CFDP1: variants seen among roughly 807,000 people sequenced by gnomAD.
The protein encoded by CFDP1 is chromatin remodeling protein CFDP1, also known as heterochromatin-stabilizing protein CFDP1.
Under a neutral mutation model 40.1 loss-of-function variants are expected in CFDP1, and 31 were observed. The ratio of observed to expected loss-of-function variants is 0.77; its 90% CI spans 0.58 to 1.04. CFDP1 has a LOEUF of 1.04. Ranked by LOEUF, CFDP1 falls within the 50% of genes least tolerant of loss-of-function variation. The pLI, the probability that CFDP1 is intolerant of heterozygous loss-of-function variation, is 0.00. For missense variants in CFDP1, 423 were observed against 343.4 expected (o/e 1.23, Z -1.83); for synonymous variants, 167 against 120.0 (o/e 1.39, Z -2.56).
At chr16:75,412,513 C>A in intron 3 of CFDP1, 22 bp downstream of exon 3, 1 of 1,577,196 alleles carries the variant, frequency 6.3e-7, no homozygotes, top group Non-Finnish European at 8.7e-7. Context: ...GAGGCATTCA[C>A]CTCACTAATG....
At chr16:75,365,883 C>T (rs1816034748) in intron 5 of CFDP1, among the ~76,000 whole-genome samples, 1 of 152,208 alleles carries the variant, frequency 6.6e-6, no homozygotes, top group Non-Finnish European at 1.5e-5. Flanking sequence ...AAGGCCAACA[C>T]TACCAGCTGT....
intron 5 of CFDP1, among the ~76,000 whole-genome samples, chr16:75,329,180 T>G (rs1394041241): frequency 6.6e-6 from 1 of 152,064 alleles, no homozygotes; most frequent in Non-Finnish European, 1.5e-5. Context: ...GAGACAGGGT[T>G]TCCCCATGTT....
chr16:75,416,061 C>T (rs1311647735), intron 1 of CFDP1, among the ~76,000 whole-genome samples: 1 of 152,070 alleles, frequency 6.6e-6, no homozygotes, highest in Non-Finnish European at 1.5e-5. Flanking sequence ...TCATGTTGGC[C>T]AGGCTGGTTT....
intron 5 of CFDP1, among the ~76,000 whole-genome samples, chr16:75,315,128 A>C: frequency 6.6e-6 from 1 of 152,082 alleles, no homozygotes; most frequent in Middle Eastern, 3.2e-3. Flanking sequence ...CATTTGGCCA[A>C]CCTAAAGAAA....
chr16:75,305,092 G>T lies in CFDP1; in HGVS notation c.741C>A (p.Asp247Glu). The T allele has an allele frequency of 6.2e-7, 1 of 1,614,126 alleles. No individual in the cohort carries two copies. The highest frequency in any genetic ancestry group is 1.6e-4 in the Middle Eastern group (1 of 6,062). ...KMSTLEKSKL[D>E]WESFKEEEGI... ...CCTCTTCCTCCTTGAAGCTCTCCCA[G>T]TCCAGTTTGGACTTCTCAAGGGTGC... Residue 247 changes from aspartate (D) to glutamate (E), a missense_variant, in exon 6 of 7, where the codon GAC (aspartate) becomes GAA (glutamate). Transcript: ENST00000283882.
intron 1 of CFDP1, among the ~76,000 whole-genome samples, chr16:75,432,345 G>C (rs142314949): frequency 7.2e-5 from 10 of 138,022 alleles, no homozygotes; most frequent in African/African-American, 2.6e-4. Flanking sequence ...AGACCAGCCT[G>C]GGCAACATAG....
At chr16:75,393,220 G>A (rs918279400) in intron 5 of CFDP1, among the ~76,000 whole-genome samples, 6 of 152,142 alleles carry the variant, frequency 3.9e-5, no homozygotes, top group African/African-American at 1.2e-4. Context: ...AGGAATGAGT[G>A]CCAGTCACCA....
chr16:75,381,073 C>T (rs1376677754), intron 5 of CFDP1: 2 of 152,182 alleles, frequency 1.3e-5, no homozygotes, highest in African/African-American at 4.8e-5. Context: ...AGAGTGACTA[C>T]AGACTTTATG....
intron 4 of CFDP1, among the ~76,000 whole-genome samples, chr16:75,400,121 G>GAAAA (rs1489686221): frequency 7.8e-6 from 1 of 127,542 alleles, no homozygotes; most frequent in African/African-American, 3.3e-5. Flanking sequence ...AAAAAAAAAA[G>GAAAA]GAAAAAAAAA....
chr16:75,325,615 G>A (rs1392246136), intron 5 of CFDP1, among the ~76,000 whole-genome samples: 1 of 152,216 alleles, frequency 6.6e-6, no homozygotes, highest in Admixed American at 6.5e-5. Flanking sequence ...CACAAGGGCT[G>A]GAACGAATGT....
intron 5 of CFDP1, among the ~76,000 whole-genome samples, chr16:75,343,208 C>T (rs189461535): frequency 6.6e-6 from 1 of 152,104 alleles, no homozygotes; most frequent in Non-Finnish European, 1.5e-5. Flanking sequence ...CTACATGACA[C>T]TAAATAAGTT....
In CFDP1 at chr16:75,326,357, A is replaced by T. The variant is rs572526135; in HGVS notation, c.651-21175T>A. 1.1e-4 allele frequency among the ~76,000 whole-genome samples: 17 copies of T among 152,360 alleles called. 1 individual carries two copies. The highest frequency in any genetic ancestry group is 1.1e-3 in the Admixed American group (17 of 15,302). On this transcript the variant is annotated intron_variant, in intron 5 of 6. Coordinates refer to ENST00000283882, the MANE Select transcript of CFDP1 (RefSeq NM_006324.3). ...AGCTAAAAACCAACACTGAATGGACATAATTGGAGCAATTATCTCACTCAA... is the reference window on the plus strand; with the variant it reads ...AGCTAAAAACCAACACTGAATGGACTTAATTGGAGCAATTATCTCACTCAA...
intron 5 of CFDP1, among the ~76,000 whole-genome samples, chr16:75,360,451 G>GA (rs1567656632): frequency 6.6e-6 from 1 of 152,158 alleles, no homozygotes; most frequent in African/African-American, 2.4e-5. Flanking sequence ...GAAGGAAACC[G>GA]AAACAAAACT....
intron 5 of CFDP1, among the ~76,000 whole-genome samples, chr16:75,335,225 C>T (rs973679896): frequency 2.6e-5 from 4 of 152,176 alleles, no homozygotes; most frequent in Admixed American, 2.0e-4. Context: ...TTTACAATTA[C>T]GTGTTTGGGC....
chr16:75,294,153 G>A, intron 6 of CFDP1, 111 bp from the exon 7 acceptor site: 3 of 735,368 alleles, frequency 4.1e-6, no homozygotes, highest in Admixed American at 4.4e-5. Context: ...TGCCGAGAGT[G>A]ACCACCCATG....
intron 5 of CFDP1, among the ~76,000 whole-genome samples, chr16:75,319,753 G>C (rs1263798326): frequency 1.3e-5 from 2 of 152,104 alleles, no homozygotes; most frequent in Non-Finnish European, 2.9e-5. Flanking sequence ...TTCCCCCTGT[G>C]GTGCCACCCC....
chr16:75,381,483 G>C (rs561246468), intron 5 of CFDP1, among the ~76,000 whole-genome samples: 3 of 152,042 alleles, frequency 2.0e-5, no homozygotes, highest in Non-Finnish European at 2.9e-5. Context: ...AGACAAGAAA[G>C]GGAAAAACTA....
At chr16:75,338,567 G>A (rs759886382) in intron 5 of CFDP1, among the ~76,000 whole-genome samples, 7 of 152,166 alleles carry the variant, frequency 4.6e-5, no homozygotes, top group Non-Finnish European at 1.0e-4. Flanking sequence ...TTCTACCTGC[G>A]TCTAGTGATG....
At chr16:75,395,806 G>T (rs773011795) in intron 4 of CFDP1, among the ~76,000 whole-genome samples, 3 of 152,086 alleles carry the variant, frequency 2.0e-5, no homozygotes, top group African/African-American at 4.8e-5. Flanking sequence ...TTTGGGAATG[G>T]ACGAAAGCAA....
Sources: gnomAD v4.1 joint callset for allele counts (sites outside exome capture counted in the v4.1 genomes callset) on GRCh38, gnomAD v4.1.1 for gene constraint, MANE v1.5 for transcripts, NCBI Gene and HGNC (gene_info 2026-07-23, HGNC 2026-07-21) for gene names.